Variants in EBF2 observed in about 807,000 individuals in gnomAD.
EBF2 encodes EBF transcription factor 2.
In EBF2, 21 loss-of-function variants were observed where a neutral mutation model predicts 72.8. The observed-to-expected ratio is 0.29, with a 90% CI of 0.20 to 0.42. The LOEUF is 0.42. Ranked by LOEUF, EBF2 falls within the 10% of genes least tolerant of loss-of-function variation. The pLI is 1.00. For missense variants in EBF2, 637 were observed against 731.2 expected (o/e 0.87, Z 1.49); for synonymous variants, 299 against 274.2 (o/e 1.09, Z -0.89).
intron 6 of EBF2, among the ~76,000 whole-genome samples, chr8:26,018,657 C>A (rs1379821698): frequency 1.3e-5 from 2 of 151,390 alleles, no homozygotes; most frequent in East Asian, 1.9e-4. Context: ...GGTGACTGAG[C>A]AAGACTCCAT....
rs1315190727 is a variant in EBF2 at position 25,844,449 on chromosome 8, G to A, written c.*160C>T. On this transcript the variant is annotated 3_prime_UTR_variant, in exon 16 of 16. Coordinates refer to ENST00000520164, the MANE Select transcript of EBF2 (RefSeq NM_022659.4). The stretch of plus-strand genomic sequence containing the variant: ...TGTAGCCACCATCAGAGCTATAGGA[G>A]GACGTGGGACCAAGTAAGATGCTGG... 4.3e-6 allele frequency: 3 copies of A among 700,482 alleles called. No individual in the cohort carries two copies. The highest frequency in any genetic ancestry group is 1.8e-5 in the African/African-American group (1 of 56,636). The allele number at this position is 700,482 out of a possible 1,614,324, so 43.4% of individuals were successfully genotyped here.
intron 6 of EBF2, among the ~76,000 whole-genome samples, chr8:25,967,771 C>T (rs1328025602): frequency 2.0e-5 from 3 of 152,076 alleles, no homozygotes; most frequent in Non-Finnish European, 4.4e-5. Flanking sequence ...AGTTGTGATG[C>T]CTAGGTTTGA....
Position 25,991,768 on chromosome 8 carries a change from C to A in EBF2, c.551+41317G>T, listed in dbSNP as rs1459723280. Among the ~76,000 whole-genome samples, 6 of 152,112 alleles carry A rather than the reference C, an allele frequency of 3.9e-5. No homozygotes were observed. In the East Asian group the frequency reaches 1.2e-3, roughly 30 times the overall value. ...GGCTGAGGAAGGAGAATCGCTTGTACCCAGGAGGCAGAGGTTGTAGTGAGC... is the reference window on the plus strand; with the variant it reads ...GGCTGAGGAAGGAGAATCGCTTGTAACCAGGAGGCAGAGGTTGTAGTGAGC... On this transcript the variant is annotated intron_variant, in intron 6 of 15. Transcript: ENST00000520164.
At chr8:25,912,670 T>G (rs116787086) in intron 6 of EBF2, among the ~76,000 whole-genome samples, 1 of 152,240 alleles carries the variant, frequency 6.6e-6, no homozygotes, top group South Asian at 2.1e-4. Context: ...TTGATCAATA[T>G]GTATTGTGCT....
intron 7 of EBF2, among the ~76,000 whole-genome samples, chr8:25,906,065 A>G (rs1440246825): frequency 2.0e-5 from 3 of 152,240 alleles, no homozygotes; most frequent in Non-Finnish European, 4.4e-5. Flanking sequence ...ATTTAAGTAA[A>G]TAACTAAAGA....
At chr8:26,039,489 C>A (rs562964001) in intron 5 of EBF2, among the ~76,000 whole-genome samples, 12 of 152,104 alleles carry the variant, frequency 7.9e-5, no homozygotes, top group African/African-American at 2.9e-4. Flanking sequence ...ACTCCCCCGA[C>A]ACGAGAACTC....
intron 6 of EBF2, among the ~76,000 whole-genome samples, chr8:25,997,918 C>G (rs1563203362): frequency 6.6e-6 from 1 of 152,086 alleles, no homozygotes; most frequent in Non-Finnish European, 1.5e-5. Context: ...AATAATAATA[C>G]ACAGTAATCA....
intron 8 of EBF2, among the ~76,000 whole-genome samples, chr8:25,889,318 A>G (rs1359248687): frequency 6.6e-6 from 1 of 152,240 alleles, no homozygotes; most frequent in African/African-American, 2.4e-5. Context: ...AGAACAGACC[A>G]TGATTTCTTC....
chr8:25,913,821 T>C (rs1036071003), intron 6 of EBF2, among the ~76,000 whole-genome samples: 10 of 152,182 alleles, frequency 6.6e-5, no homozygotes, highest in Non-Finnish European at 1.2e-4. Context: ...CGTGTGTTCA[T>C]TGATTTTGCA....
chr8:26,024,035 G>T (rs1805257707), intron 6 of EBF2, among the ~76,000 whole-genome samples: 1 of 152,038 alleles, frequency 6.6e-6, no homozygotes, highest in African/African-American at 2.4e-5. Flanking sequence ...GGCATATAAA[G>T]TCCTCCAAAA....
At chr8:26,016,536 G>T (rs546677914) in intron 6 of EBF2, among the ~76,000 whole-genome samples, 2 of 152,322 alleles carry the variant, frequency 1.3e-5, no homozygotes, top group South Asian at 2.1e-4. Flanking sequence ...ATTTCAAAGT[G>T]CAGAGGAGGG....
At chr8:25,921,740 A>AC (rs1363283763) in intron 6 of EBF2, among the ~76,000 whole-genome samples, 3 of 152,200 alleles carry the variant, frequency 2.0e-5, no homozygotes, top group Non-Finnish European at 2.9e-5. Context: ...AGAGGACACT[A>AC]CCTAATTAAT....
At chr8:25,946,373 C>T (rs963114602) in intron 6 of EBF2, among the ~76,000 whole-genome samples, 1 of 152,160 alleles carries the variant, frequency 6.6e-6, no homozygotes, top group Non-Finnish European at 1.5e-5. Context: ...GGTATCTTAC[C>T]CCAGACCTAA....
intron 6 of EBF2, among the ~76,000 whole-genome samples, chr8:25,971,478 C>G (rs1456262791): frequency 2.0e-5 from 3 of 152,078 alleles, no homozygotes; most frequent in Non-Finnish European, 4.4e-5. Flanking sequence ...CAAGAATTGC[C>G]CAGGGCAAGA....
chr8:25,978,864 G>C (rs1804310985), intron 6 of EBF2, among the ~76,000 whole-genome samples: 2 of 152,176 alleles, frequency 1.3e-5, no homozygotes, highest in South Asian at 4.1e-4. Flanking sequence ...TGCCAAAGAC[G>C]TGCATTATGA....
At chr8:25,952,741 GCT>G (rs1306802462) in intron 6 of EBF2, among the ~76,000 whole-genome samples, 1 of 152,126 alleles carries the variant, frequency 6.6e-6, no homozygotes, top group Non-Finnish European at 1.5e-5. Flanking sequence ...CTCCCACAGG[GCT>G]CTTTCTGCCA....
At chr8:25,901,506 C>T (rs4872376) in intron 7 of EBF2, among the ~76,000 whole-genome samples, 80,520 of 151,178 alleles carry the variant, frequency 0.53, 21,848 homozygotes, top group East Asian at 0.73. Flanking sequence ...ACATCTGAAA[C>T]GACCTAATAT....
Position 25,861,850 on chromosome 8 carries a change from T to C in EBF2, c.1099-476A>G, listed in dbSNP as rs149318856. On this transcript the variant is annotated intron_variant, in intron 11 of 15. Coordinates refer to ENST00000520164, the MANE Select transcript of EBF2 (RefSeq NM_022659.4). ...ATTTTATTCTAATAAAGATGAATTC[T>C]TTCAATAATATTTCCCCCTGTACAC... Among the ~76,000 whole-genome samples the C allele has an allele frequency of 1.6e-3, 247 of 152,338 alleles. 6 individuals are homozygous for C. Among genetic ancestry groups the C allele is most frequent in the Admixed American group, 0.013 (193 of 15,296 alleles).
rs1389621111 is a variant in EBF2, at chr8:26,044,844, C to T, written c.16G>A (p.Asp6Asn). Reference protein sequence around the residue: MFGIQDTLGRGPTLKE... With the variant: MFGIQNTLGRGPTLKE... Reference sequence around the variant, plus strand: ...AGAGTTGGTCCTCTTCCTAAAGTATCTTGAATTCCAAACATTTAAAAAGTC... The same window carrying T: ...AGAGTTGGTCCTCTTCCTAAAGTATTTTGAATTCCAAACATTTAAAAAGTC... The change falls in exon 1 of 16, where the codon GAT (aspartate) becomes AAT (asparagine). Residue 6 changes from aspartate (D) to asparagine (N), a missense_variant. Physicochemically the swap from Asp to Asn is conservative, Grantham distance 23. Coordinates refer to ENST00000520164, the MANE Select transcript of EBF2 (RefSeq NM_022659.4). This position sits in a 1 kb window ranked among gnomAD's most constrained non-coding sequence, Gnocchi z 4.1. The T allele has an allele frequency of 1.2e-6, 2 of 1,613,970 alleles. No homozygotes were observed. Among genetic ancestry groups the T allele is most frequent in the Admixed American group, 3.3e-5 (2 of 59,968 alleles).
Sources: allele counts gnomAD v4.1 joint callset (sites outside exome capture counted in the v4.1 genomes callset), GRCh38; gene constraint gnomAD v4.1.1; non-coding constraint Gnocchi (gnomAD v3.1); transcripts MANE v1.5; gene names NCBI Gene and HGNC (gene_info 2026-07-23, HGNC 2026-07-21).